Variants in SYNJ2 observed in about 807,000 individuals in gnomAD.
The protein encoded by SYNJ2 is synaptojanin 2.
Under a neutral mutation model 141.3 loss-of-function variants are expected in SYNJ2, and 116 were observed. The observed-to-expected ratio is 0.82, with a 90% CI of 0.71 to 0.96. The LOEUF (loss-of-function observed/expected upper bound fraction) is 0.96, where lower values mean the gene tolerates loss of function less well. SYNJ2 is among the 40% of genes least tolerant of loss of function. The pLI, the probability that SYNJ2 is intolerant of heterozygous loss-of-function variation, is 0.00. For synonymous variants in SYNJ2, 745 were observed against 777.7 expected, an observed-to-expected ratio of 0.96 and a Z score of 0.70; for missense variants, 1,873 against 1,934.8, an observed-to-expected ratio of 0.97 and a Z score of 0.60.
intron 1 of SYNJ2, among the ~76,000 whole-genome samples, chr6:158,015,189 G>A (rs1189467543): frequency 6.6e-6 from 1 of 152,182 alleles, no homozygotes; most frequent in African/African-American, 2.4e-5. Flanking sequence ...CTGAGGGCTT[G>A]GTATGAGGGG....
chr6:158,002,020 C>T (rs1777881834), intron 1 of SYNJ2, among the ~76,000 whole-genome samples: 1 of 152,224 alleles, frequency 6.6e-6, no homozygotes, highest in Non-Finnish European at 1.5e-5. Context: ...TGTGTCCTCC[C>T]ACTCTTCTGA....
Position 158,089,867 on chromosome 6 carries a change from C to T in SYNJ2, c.3485C>T (p.Pro1162Leu), listed in dbSNP as rs761091196. 70 of 1,613,892 alleles carry T rather than the reference C, an allele frequency of 4.3e-5. 2 individuals carry two copies. In the South Asian group the frequency reaches 5.7e-4, roughly 13 times the overall value. ...AAGGCTCGGACTGGAATAAGTAAAC[C>T]TTATAATGTCAAGCAGATCAAAACC... The part of the protein sequence containing the change: ...PPKARTGISK[P>L]YNVKQIKTTN... The change falls in exon 25 of 27, where the codon CCT becomes CTT. Residue 1162 changes from proline to leucine, a missense_variant. Coordinates refer to ENST00000355585, the MANE Select transcript of SYNJ2 (RefSeq NM_003898.4).
intron 26 of SYNJ2, chr6:158,094,166 C>A (rs946364650): frequency 5.0e-6 from 3 of 602,488 alleles, no homozygotes; most frequent in South Asian, 4.5e-5. Context: ...CACATTGGCT[C>A]ATTGCCATCT....
chr6:158,093,793 C>T, intron 26 of SYNJ2: 2 of 707,978 alleles, frequency 2.8e-6, no homozygotes, highest in Non-Finnish European at 5.2e-6. Context: ...ATTAGGAAAA[C>T]AGTAACCGAT....
intron 3 of SYNJ2, among the ~76,000 whole-genome samples, chr6:158,032,429 G>A (rs1779415991): frequency 6.6e-6 from 1 of 152,234 alleles, no homozygotes; most frequent in South Asian, 2.1e-4. Flanking sequence ...TCCTGATGAT[G>A]GGTCCTCCTC....
At chr6:158,057,318 C>T (rs185261124) in intron 6 of SYNJ2, among the ~76,000 whole-genome samples, 2 of 151,820 alleles carry the variant, frequency 1.3e-5, no homozygotes, top group Admixed American at 6.6e-5. Context: ...CCCCTTACAC[C>T]CTGGGTGCCA....
chr6:157,986,362 C>T (rs535596003), intron 1 of SYNJ2, among the ~76,000 whole-genome samples: 9 of 152,190 alleles, frequency 5.9e-5, no homozygotes, highest in Admixed American at 3.9e-4. Context: ...TTGTTTGAGA[C>T]GGAGTCTCTT....
intron 1 of SYNJ2, among the ~76,000 whole-genome samples, chr6:157,989,247 GTGGCT>G: frequency 6.6e-6 from 1 of 152,018 alleles, no homozygotes; most frequent in Non-Finnish European, 1.5e-5. Flanking sequence ...GCTGATCCAA[GTGGCT>G]TACATTTATT....
At chr6:158,005,101 A>ATG (rs1778009953) in intron 1 of SYNJ2, among the ~76,000 whole-genome samples, 1 of 140,094 alleles carries the variant, frequency 7.1e-6, no homozygotes, top group South Asian at 2.3e-4. Context: ...TTTTTTTGAG[A>ATG]CAGTCTTGCT....
intron 6 of SYNJ2, among the ~76,000 whole-genome samples, chr6:158,058,725 G>C (rs1368955933): frequency 6.6e-6 from 1 of 152,182 alleles, no homozygotes; most frequent in African/African-American, 2.4e-5. Flanking sequence ...CCAGGAGTTC[G>C]AGACCAGCCT....
chr6:158,093,652 C>G (rs940867376), intron 26 of SYNJ2, among the ~76,000 whole-genome samples: 1 of 152,110 alleles, frequency 6.6e-6, no homozygotes, highest in African/African-American at 2.4e-5. Flanking sequence ...GTGACAAGAA[C>G]AGCTTGGAGG....
upstream of SYNJ2, among the ~76,000 whole-genome samples, chr6:157,981,622 C>A (rs930117556): frequency 3.9e-5 from 6 of 152,190 alleles, no homozygotes; most frequent in South Asian, 2.1e-4. This position sits in a 1 kb window ranked among gnomAD's most constrained non-coding sequence, Gnocchi z 6.4. Flanking sequence ...GGGCATCCTC[C>A]TCCGCAGCGA....
chr6:157,992,401 C>CTTTTTTTTTTTTTTTTTTTTTT (rs57905567), intron 1 of SYNJ2, among the ~76,000 whole-genome samples: 1 of 120,356 alleles, frequency 8.3e-6, no homozygotes, highest in Non-Finnish European at 1.8e-5. Flanking sequence ...TGGCTTGTTT[C>CTTTTTTTTTTTTTTTTTTTTTT]TTTTTTTTTT....
At chr6:158,022,456 C>G (rs1031665283) in intron 2 of SYNJ2, among the ~76,000 whole-genome samples, 3 of 152,232 alleles carry the variant, frequency 2.0e-5, no homozygotes, top group Admixed American at 2.0e-4. Flanking sequence ...GGACCTGCCA[C>G]TGGCTCTTGC....
At chr6:157,993,552 G>A (rs1451658146) in intron 1 of SYNJ2, among the ~76,000 whole-genome samples, 1 of 151,630 alleles carries the variant, frequency 6.6e-6, no homozygotes, top group Non-Finnish European at 1.5e-5. Context: ...GATCTCTTTT[G>A]TTCATTTTTG....
rs1336889720 is a variant in SYNJ2 at position 157,982,327 on chromosome 6, CCCGCG to C, written c.127+244_127+248del. Among the ~76,000 whole-genome samples the C allele has an allele frequency of 6.6e-6, 1 of 152,230 alleles. No individual in the cohort carries two copies. Among genetic ancestry groups the C allele is most frequent in the Non-Finnish European group, 1.5e-5 (1 of 68,040 alleles). ...GCCGCCCCTCCACGGGGATCTCCGG[CCCGCG>C]CCGCCAGAGGATATGGTTGCTGGAT... is the stretch of plus-strand genomic sequence containing the variant. On this transcript the variant is annotated intron_variant, in intron 1 of 26. Transcript: ENST00000355585. This position sits in a 1 kb window ranked among gnomAD's most constrained non-coding sequence, Gnocchi z 4.0.
intron 1 of SYNJ2, among the ~76,000 whole-genome samples, chr6:158,003,114 C>G (rs1777922200): frequency 6.6e-6 from 1 of 152,176 alleles, no homozygotes; most frequent in African/African-American, 2.4e-5. Flanking sequence ...CTTGTATTTT[C>G]TCTGGCTGGG....
chr6:158,090,917 T>C (rs528982382), intron 25 of SYNJ2, among the ~76,000 whole-genome samples: 26 of 152,254 alleles, frequency 1.7e-4, no homozygotes, highest in East Asian at 7.7e-4. Flanking sequence ...TTTAACTTCT[T>C]TGGAATTCTC....
chr6:158,054,841 C>A, intron 5 of SYNJ2, 126 bp from the exon 6 acceptor site: 1 of 898,206 alleles, frequency 1.1e-6, no homozygotes, highest in South Asian at 1.5e-5. Flanking sequence ...CTGAAGAGAC[C>A]ACAGAGGTGG....
Sources: gnomAD v4.1 joint callset for allele counts (sites outside exome capture counted in the v4.1 genomes callset) on GRCh38, gnomAD v4.1.1 for gene constraint, Gnocchi (gnomAD v3.1) non-coding constraint, MANE v1.5 for transcripts, NCBI Gene and HGNC (gene_info 2026-07-23, HGNC 2026-07-21) for gene names.